SZT2: variants seen among roughly 807,000 people sequenced by gnomAD.
SZT2 encodes the protein KICSTOR complex protein SZT2.
SZT2 carries 216 observed loss-of-function variants against 404.2 expected under a neutral mutation model. The ratio of observed to expected loss-of-function variants is 0.53; its 90% CI spans 0.48 to 0.60. The LOEUF is 0.60. Ranked by LOEUF, SZT2 falls within the 20% of genes least tolerant of loss-of-function variation. The pLI is 0.00. For synonymous variants in SZT2, 1,693 were observed against 1,749.9 expected (o/e 0.97, Z 0.81); for missense variants, 3,857 against 4,459.2 (o/e 0.86, Z 3.85).
chr1:43,415,890 T>C lies in SZT2; in HGVS notation c.631-70T>C. On this transcript the variant is annotated intron_variant, in intron 5 of 71. Coordinates refer to ENST00000634258, the MANE Select transcript of SZT2 (RefSeq NM_001365999.1). ...GGCCTGAGAAGTGCTGGGCTATAAA[T>C]TCTGGCTTTGCTATGGATGGGGCAG... is the stretch of plus-strand genomic sequence containing the variant. The C allele has an allele frequency of 2.0e-6, 3 of 1,513,438 alleles. No homozygotes were observed. In the Middle Eastern group the frequency reaches 5.2e-4, roughly 263 times the overall value. The allele number at this position is 1,513,438 out of a possible 1,614,324, so 93.8% of individuals were successfully genotyped here.
chr1:43,422,039 G>T, intron 11 of SZT2, 44 bp from the exon 12 acceptor site: 2 of 1,554,970 alleles, frequency 1.3e-6, no homozygotes, highest in Non-Finnish European at 1.7e-6. Flanking sequence ...TTGTACCCTG[G>T]TCCTCTGCAA....
intron 47 of SZT2, 31 bp from the exon 48 acceptor site, chr1:43,438,898 T>G (rs780306525): frequency 5.6e-6 from 9 of 1,613,710 alleles, no homozygotes; most frequent in Non-Finnish European, 7.6e-6. Context: ...ACTTCTGCAT[T>G]CAGCTCTGCC....
At position 43,451,884 on chromosome 1, in the gene SZT2, A is replaced by G; in HGVS notation, c.*1404A>G. 6.2e-7 allele frequency: 1 copy of G among 1,614,064 alleles called. No homozygotes were observed. Among genetic ancestry groups the G allele is most frequent in the South Asian group, 1.1e-5 (1 of 91,086 alleles). ...GCCAGGGAGGGGACCGTGAGCCTCA[A>G]GAGCACAGGAATCAAAAGGGACAGA... On this transcript the variant is annotated 3_prime_UTR_variant, in exon 72 of 72. Transcript: ENST00000634258.
At position 43,437,309 on chromosome 1, in the gene SZT2, T is replaced by C; in HGVS notation, c.6173T>C (p.Met2058Thr). The C allele has an allele frequency of 6.2e-7, 1 of 1,613,968 alleles. No individual in the cohort carries two copies. The highest frequency in any genetic ancestry group is 8.5e-7 in the Non-Finnish European group (1 of 1,179,966). The change falls in exon 43 of 72, where the codon ATG becomes ACG. Residue 2058 changes from methionine (M) to threonine (T), a missense_variant. Around this residue, in one of 7 missense-constraint regions of SZT2, gnomAD observed 261 missense variants for 372.9 expected, o/e 0.70. Transcript: ENST00000634258. This position sits in a 1 kb window ranked among gnomAD's most constrained non-coding sequence, Gnocchi z 5.3. ...VHSRLKMGPS[M>T]GVSRAIQALR... ...TCACGCCTCAAAATGGGGCCCAGCA[T>C]GGGGGTCTCTCGGGGTATGTGATTG...
rs184098688 is a variant in SZT2, at chr1:43,454,212, T to C, written c.*3732T>C. 286 of 204,100 alleles carry C rather than the reference T, an allele frequency of 1.4e-3. 2 individuals carry two copies. The highest frequency in any genetic ancestry group is 4.6e-3 in the Middle Eastern group (2 of 432). 12.6% of individuals were successfully genotyped at this position (204,100 alleles called of 1,614,324 possible). A position where few individuals can be genotyped will look rare whatever the true frequency, so the allele number is the denominator to read the frequency against. ...TGTTCGTTAAGCAACATTTGAAAGC[T>C]GTATGACCAAATAAAGAAGCACTTT... On this transcript the variant is annotated 3_prime_UTR_variant, in exon 72 of 72. Transcript: ENST00000634258.
At chr1:43,399,074 C>T (rs1022257897) in intron 1 of SZT2, among the ~76,000 whole-genome samples, 10 of 150,678 alleles carry the variant, frequency 6.6e-5, no homozygotes, top group African/African-American at 2.0e-4. Context: ...AGCGAGACTC[C>T]GTCTCAAAAA....
At position 43,443,255 on chromosome 1, in the gene SZT2, C is replaced by A; in HGVS notation, c.8487C>A (p.Thr2829=). Residue 2829 remains threonine (T), a synonymous_variant, in exon 60 of 72, where the codon ACC becomes ACA. Transcript: ENST00000634258. ...VTWQQRSTPA[T]MPISAGELET... The stretch of plus-strand genomic sequence containing the variant: ...GGCAGCAGCGTTCTACCCCAGCCAC[C>A]ATGCCCATCAGTGTGAGTGACCCCA... 1.9e-6 allele frequency: 3 copies of A among 1,614,208 alleles called. No individual in the cohort carries two copies. Among genetic ancestry groups the A allele is most frequent in the Non-Finnish European group, 2.5e-6 (3 of 1,180,024 alleles).
chr1:43,431,308 C>A lies in SZT2; in HGVS notation c.4960C>A (p.Gln1654Lys), dbSNP rs188525120. 2 of 1,613,322 alleles carry A rather than the reference C, an allele frequency of 1.2e-6. No homozygotes were observed. The change falls in exon 34 of 72, where the codon CAG (glutamine) becomes AAG (lysine). Residue 1654 changes from glutamine to lysine, a missense_variant. By Grantham distance (53) the Gln-to-Lys change is moderately conservative. Transcript: ENST00000634258. ...SSASFPRSPG[Q>K]PSSLRSDDGL... ...TGCTTCATTTCCACGATCCCCAGGGCAGCCATCATCTTTAAGGTCAGATGA... is the reference window on the plus strand; with the variant it reads ...TGCTTCATTTCCACGATCCCCAGGGAAGCCATCATCTTTAAGGTCAGATGA...
At position 43,439,222 on chromosome 1, in the gene SZT2, G is replaced by A. The variant is rs1026090334; in HGVS notation, c.6792+129G>A. 1.0e-5 allele frequency: 16 copies of A among 1,524,444 alleles called. No individual in the cohort carries two copies. The highest frequency in any genetic ancestry group is 4.1e-5 in the African/African-American group (3 of 73,360). The allele number at this position is 1,524,444 out of a possible 1,614,324, so 94.4% of individuals were successfully genotyped here. ...GACCTGGGTACACCCATGCCCCCCC[G>A]GGGACCATTATTACCCGCCTGTGTC... is the stretch of plus-strand genomic sequence containing the variant. On this transcript the variant is annotated intron_variant, in intron 48 of 71. Transcript: ENST00000634258. The surrounding 1 kb of genome is among the most constrained non-coding windows in gnomAD (Gnocchi z 4.2).
intron 1 of SZT2, among the ~76,000 whole-genome samples, chr1:43,398,810 G>A (rs185153105): frequency 6.6e-6 from 1 of 152,164 alleles, no homozygotes; most frequent in Non-Finnish European, 1.5e-5. Flanking sequence ...GGTTGGGTGC[G>A]GTGGCTCACG....
At position 43,443,520 on chromosome 1, in the gene SZT2, C is replaced by G. The variant is rs539712717; in HGVS notation, c.8625+43C>G. ...ACTTCTAGCAGACCTTTGCTTACCCCACAGTGACCCCCCTCCTCCATCCCC... is the reference window on the plus strand; with the variant it reads ...ACTTCTAGCAGACCTTTGCTTACCCGACAGTGACCCCCCTCCTCCATCCCC... On this transcript the variant is annotated intron_variant, in intron 61 of 71. Transcript: ENST00000634258. 4.3e-6 allele frequency: 7 copies of G among 1,613,642 alleles called. No homozygotes were observed. The Admixed American group carries it at 1.2e-4, about 27-fold the overall frequency.
intron 1 of SZT2, among the ~76,000 whole-genome samples, chr1:43,401,078 C>T (rs528148450): frequency 3.9e-5 from 6 of 152,160 alleles, no homozygotes; most frequent in East Asian, 1.9e-4. Context: ...CGAGCCACTA[C>T]GCCTGGCTAA....
At chr1:43,398,275 AGGT>A (rs1649241418) in intron 1 of SZT2, among the ~76,000 whole-genome samples, 1 of 152,174 alleles carries the variant, frequency 6.6e-6, no homozygotes, top group Non-Finnish European at 1.5e-5. Flanking sequence ...AGAGGGGAAG[AGGT>A]GGTGGTGGGG....
chr1:43,404,610 C>A, intron 4 of SZT2, 60 bp downstream of exon 4: 1 of 1,546,710 alleles, frequency 6.5e-7, no homozygotes. Context: ...GTCCTCTGAC[C>A]AAGTCCTTAT....
At chr1:43,431,204 A>C (rs1016609944) in intron 33 of SZT2, 61 bp from the exon 34 acceptor site, 62 of 1,559,406 alleles carry the variant, frequency 4.0e-5, no homozygotes, top group Non-Finnish European at 5.0e-5. Flanking sequence ...AGAATGAAGT[A>C]AGGAGGAGGC....
rs1428015591 is a variant in SZT2, at chr1:43,441,314, A to T, written c.7445A>T (p.Glu2482Val). The change falls in exon 53 of 72, where the codon GAG becomes GTG. Residue 2482 changes from glutamate to valine, a missense_variant. By Grantham distance (121) the Glu-to-Val change is moderately radical (BLOSUM62 -2). Transcript: ENST00000634258. The surrounding 1 kb of genome is among the most constrained non-coding windows in gnomAD (Gnocchi z 4.8). ...DTRGRRRHKT[E>V]SVRTPGGAER... is the part of the protein sequence containing the mutation. ...CGGGGCCGGAGGCGTCACAAAACCGAGAGTGTTCGGACTCCTGGTGGAGCT... is the reference window on the plus strand; with the variant it reads ...CGGGGCCGGAGGCGTCACAAAACCGTGAGTGTTCGGACTCCTGGTGGAGCT... The T allele has an allele frequency of 1.2e-6, 2 of 1,614,172 alleles. No homozygotes were observed. Among genetic ancestry groups the T allele is most frequent in the Non-Finnish European group, 1.7e-6 (2 of 1,180,028 alleles).
chr1:43,398,067 T>G (rs549380437), intron 1 of SZT2, among the ~76,000 whole-genome samples: 20 of 152,328 alleles, frequency 1.3e-4, no homozygotes, highest in Admixed American at 1.1e-3. Context: ...TGGCCTTACG[T>G]GGGCCAAAAC....
chr1:43,426,695 C>A lies in SZT2; in HGVS notation c.3215-20C>A. 6.3e-7 allele frequency: 1 copy of A among 1,588,230 alleles called. No individual in the cohort carries two copies. Among genetic ancestry groups the A allele is most frequent in the Non-Finnish European group, 8.6e-7 (1 of 1,165,968 alleles). On this transcript the variant is annotated intron_variant, in intron 22 of 71. Coordinates refer to ENST00000634258, the MANE Select transcript of SZT2 (RefSeq NM_001365999.1). This position sits in a 1 kb window ranked among gnomAD's most constrained non-coding sequence, Gnocchi z 4.9. ...TCTGCTGGCCCTGCCCTCTTTCACC[C>A]ATCTCTACCCCCATTGTAGGTGCCG...
Position 43,391,944 on chromosome 1 carries a change from C to A in SZT2, c.27+1949C>A, listed in dbSNP as rs1452994373. ...AAAAAAATACAAAAAATTAGCTGGG[C>A]GTGGTGGCGGGCGCCTGTAGTCCCA... is the stretch of plus-strand genomic sequence containing the variant. On this transcript the variant is annotated intron_variant, in intron 1 of 71. Transcript: ENST00000634258. 2.9e-5 allele frequency among the ~76,000 whole-genome samples: 2 copies of A among 69,684 alleles called. 1 individual carries two copies. The highest frequency in any genetic ancestry group is 1.2e-4 in the African/African-American group (2 of 16,796). 45.7% of individuals were successfully genotyped at this position (69,684 alleles called of 152,430 possible). A position where few individuals can be genotyped will look rare whatever the true frequency, so the allele number is the denominator to read the frequency against.
Sources: gnomAD v4.1 joint callset for allele counts (sites outside exome capture counted in the v4.1 genomes callset) on GRCh38, gnomAD v4.1.1 for gene constraint, gnomAD v4.1.1 regional missense constraint, Gnocchi (gnomAD v3.1) non-coding constraint, MANE v1.5 for transcripts, NCBI Gene and HGNC (gene_info 2026-07-23, HGNC 2026-07-21) for gene names.